Variants in RDX observed in about 807,000 individuals in gnomAD.
RDX encodes the protein deafness, autosomal recessive 24.
A neutral mutation model predicts 83.7 loss-of-function variants in RDX; 32 were observed. The observed-to-expected ratio is 0.38, with a 90% CI of 0.29 to 0.51. RDX has a LOEUF of 0.51. RDX is among the 20% of genes least tolerant of loss of function. The pLI is 0.87. For missense variants in RDX, 600 were observed against 689.9 expected, an observed-to-expected ratio of 0.87 and a Z score of 1.46; for synonymous variants, 229 against 222.7, an observed-to-expected ratio of 1.03 and a Z score of -0.25.
intron 8 of RDX, 97 bp downstream of exon 8, chr11:110,255,192 A>G (rs1859489710): frequency 2.8e-6 from 2 of 703,314 alleles, no homozygotes; most frequent in East Asian, 2.7e-5. Flanking sequence ...CCTCAGAAGC[A>G]ATTTAATAAA....
At chr11:110,279,089 A>G (rs1382200678) in intron 2 of RDX, among the ~76,000 whole-genome samples, 2 of 152,212 alleles carry the variant, frequency 1.3e-5, no homozygotes, top group Non-Finnish European at 2.9e-5. Context: ...CTGACCTCTC[A>G]TTATTTCCTC....
At chr11:110,176,078 T>C (rs1385909553) in intron 15 of RDX, among the ~76,000 whole-genome samples, 1 of 140,116 alleles carries the variant, frequency 7.1e-6, no homozygotes, top group African/African-American at 2.7e-5. Flanking sequence ...TTTTTTCTTT[T>C]TCTTTTTTTC....
chr11:110,225,585 G>C (rs530722015), downstream of RDX, among the ~76,000 whole-genome samples: 32 of 152,238 alleles, frequency 2.1e-4, 1 homozygote, highest in South Asian at 5.2e-3. Context: ...TTCACCATTA[G>C]GATGGCTATC....
chr11:110,295,187 T>C (rs1021962572), intron 1 of RDX, among the ~76,000 whole-genome samples: 1 of 152,130 alleles, frequency 6.6e-6, no homozygotes, highest in African/African-American at 2.4e-5. Context: ...ATTAGTCTCC[T>C]TTCTCAAATC....
intron 15 of RDX, among the ~76,000 whole-genome samples, chr11:110,194,951 T>C (rs1863171682): frequency 6.6e-6 from 1 of 151,790 alleles, no homozygotes; most frequent in African/African-American, 2.4e-5. Flanking sequence ...TCTTGAAGGC[T>C]GTAAGAGTGA....
intron 15 of RDX, among the ~76,000 whole-genome samples, chr11:110,181,557 G>T (rs1257424542): frequency 2.0e-5 from 3 of 152,110 alleles, no homozygotes; most frequent in African/African-American, 7.3e-5. Context: ...TGGACAAGAG[G>T]TCAAGGGGCC....
intron 15 of RDX, among the ~76,000 whole-genome samples, chr11:110,178,935 C>T (rs1862828856): frequency 6.6e-6 from 1 of 152,178 alleles, no homozygotes; most frequent in Non-Finnish European, 1.5e-5. Context: ...ATCCCTGCCA[C>T]CAGCCCTGCT....
chr11:110,196,906 ATTTTAT>A (rs1863226732), intron 15 of RDX, among the ~76,000 whole-genome samples: 1 of 152,052 alleles, frequency 6.6e-6, no homozygotes, highest in Non-Finnish European at 1.5e-5. Flanking sequence ...TTCATGGCTT[ATTTTAT>A]TTTTGAGACA....
At chr11:110,225,505 T>C (rs1864402371), downstream of RDX, among the ~76,000 whole-genome samples, 1 of 152,058 alleles carries the variant, frequency 6.6e-6, no homozygotes, top group Non-Finnish European at 1.5e-5. Context: ...ATGAAAAAAG[T>C]CTAACTTCTT....
At chr11:110,280,314 G>C (rs1476460866) in intron 1 of RDX, among the ~76,000 whole-genome samples, 2 of 152,134 alleles carry the variant, frequency 1.3e-5, no homozygotes, top group Non-Finnish European at 2.9e-5. Context: ...TAACACCACA[G>C]CTCACTGCAG....
At chr11:110,188,341 T>C (rs891851271) in intron 15 of RDX, among the ~76,000 whole-genome samples, 2 of 140,502 alleles carry the variant, frequency 1.4e-5, no homozygotes, top group Admixed American at 7.1e-5. Context: ...ATAATAACAA[T>C]AATAATGGCA....
chr11:110,290,052 CA>C (rs1369556086), intron 1 of RDX, among the ~76,000 whole-genome samples: 3 of 133,294 alleles, frequency 2.3e-5, no homozygotes, highest in Non-Finnish European at 4.7e-5. Context: ...TTGTTATAAA[CA>C]AAAATACCCA....
chr11:110,216,335 G>A (rs897042599), intron 14 of RDX, among the ~76,000 whole-genome samples: 4 of 151,594 alleles, frequency 2.6e-5, no homozygotes, highest in Admixed American at 2.0e-4. Context: ...GGCTACTTCT[G>A]GCAAGCAGGT....
chr11:110,234,190 A>G (rs1360888339), intron 12 of RDX, among the ~76,000 whole-genome samples: 1 of 152,198 alleles, frequency 6.6e-6, no homozygotes, highest in Non-Finnish European at 1.5e-5. Context: ...CAGGTTCTAG[A>G]TCTAACTTCT....
chr11:110,189,243 T>TAAA (rs35450797), intron 15 of RDX, among the ~76,000 whole-genome samples: 17 of 35,588 alleles, frequency 4.8e-4, no homozygotes, highest in African/African-American at 9.4e-4. Context: ...GAACAACAGG[T>TAAA]AAAAAAAAAA....
intron 9 of RDX, among the ~76,000 whole-genome samples, chr11:110,248,726 C>G (rs1188597086): frequency 6.6e-6 from 1 of 152,064 alleles, no homozygotes; most frequent in Non-Finnish European, 1.5e-5. Flanking sequence ...TTAGATTAAC[C>G]GGAGACCTCC....
At chr11:110,240,295 C>T (rs1303256431) in intron 10 of RDX, among the ~76,000 whole-genome samples, 1 of 151,318 alleles carries the variant, frequency 6.6e-6, no homozygotes, top group Non-Finnish European at 1.5e-5. Context: ...CACAGAAAGA[C>T]AACTATTGCA....
In RDX at chr11:110,215,048, AAATAT is replaced by A. The variant is rs1276155492; in HGVS notation, c.1749-15375_1749-15371del. On this transcript the variant is annotated intron_variant, in intron 14 of 15. Coordinates refer to the RDX transcript ENST00000528498. ...TTAGGAGACCTAACAAAAAAAAAAAAAATATATATATATATATATATAATGCTTTC... is the reference window on the plus strand; with the variant it reads ...TTAGGAGACCTAACAAAAAAAAAAAAATATATATATATATATAATGCTTTC... Among the ~76,000 whole-genome samples, 441 of 74,776 alleles carry A rather than the reference AAATAT, an allele frequency of 5.9e-3. 3 individuals are homozygous for A. The highest frequency in any genetic ancestry group is 0.013 in the South Asian group (33 of 2,534). 49.1% of individuals were successfully genotyped at this position (74,776 alleles called of 152,430 possible).
intron 13 of RDX, among the ~76,000 whole-genome samples, chr11:110,232,502 C>A (rs1864679407): frequency 6.6e-6 from 1 of 152,046 alleles, no homozygotes; most frequent in Non-Finnish European, 1.5e-5. Context: ...CTACTTTGAC[C>A]TAGTTATGTC....
Sources: gnomAD v4.1 joint callset for allele counts (sites outside exome capture counted in the v4.1 genomes callset) on GRCh38, gnomAD v4.1.1 for gene constraint, MANE v1.5 for transcripts, NCBI Gene and HGNC (gene_info 2026-07-23, HGNC 2026-07-21) for gene names.